Variants in TRIM25 observed in about 807,000 individuals in gnomAD.
The protein encoded by TRIM25 is E3 ubiquitin/ISG15 ligase TRIM25.
In TRIM25, 45 loss-of-function variants were observed where a neutral mutation model predicts 65.2. The observed-to-expected ratio is 0.69, with a 90% confidence interval of 0.54 to 0.89. The LOEUF is 0.89. TRIM25 is among the 40% of genes least tolerant of loss of function. The pLI is 0.00. For missense variants in TRIM25, 714 were observed against 803.7 expected (o/e 0.89, Z 1.35); for synonymous variants, 321 against 340.4 (o/e 0.94, Z 0.63).
chr17:56,904,578 G>A (rs1909483915), intron 2 of TRIM25, 90 bp from the exon 3 acceptor site: 1 of 1,203,182 alleles, frequency 8.3e-7, no homozygotes, highest in South Asian at 1.3e-5. Context: ...GGAGTTCCAG[G>A]AACTCTTACC....
chr17:56,892,599 G>A (rs1909204702), intron 8 of TRIM25, among the ~76,000 whole-genome samples: 1 of 151,686 alleles, frequency 6.6e-6, no homozygotes, highest in Non-Finnish European at 1.5e-5. Flanking sequence ...CTATCCATCT[G>A]TCCATTTATC....
chr17:56,913,488 G>A lies in TRIM25; in HGVS notation c.501C>T (p.Phe167=), dbSNP rs768772040. 1.2e-6 allele frequency: 2 copies of A among 1,613,582 alleles called. No individual in the cohort carries two copies. Among genetic ancestry groups the A allele is most frequent in the South Asian group, 2.2e-5 (2 of 91,032 alleles). ...CSQHNRLREF[F]CPEHSECICH... is the part of the protein sequence containing the mutation. ...AGATGCACTCGCTGTGCTCGGGGCAGAAAAATTCCCGCAGCCGATTGTGCT... is the reference window on the plus strand; with the variant it reads ...AGATGCACTCGCTGTGCTCGGGGCAAAAAAATTCCCGCAGCCGATTGTGCT... The change falls in exon 1 of 9, where the codon TTC becomes TTT. Residue 167 remains phenylalanine, a synonymous_variant. Coordinates refer to ENST00000316881, the MANE Select transcript of TRIM25 (RefSeq NM_005082.5). The surrounding 1 kb of genome is among the most constrained non-coding windows in gnomAD (Gnocchi z 6.1).
chr17:56,902,733 C>T (rs1180329277), intron 3 of TRIM25, among the ~76,000 whole-genome samples: 1 of 152,202 alleles, frequency 6.6e-6, no homozygotes, highest in Non-Finnish European at 1.5e-5. Context: ...ATGCTTTAGA[C>T]AGATACTTTG....
chr17:56,898,193 A>AACATGTCAGCGGTATATGG (rs1397756338), intron 5 of TRIM25, among the ~76,000 whole-genome samples: 6 of 150,004 alleles, frequency 4.0e-5, no homozygotes, highest in Non-Finnish European at 2.9e-5. Flanking sequence ...GCGATATATG[A>AACATGTCAGCGGTATATGG]ACATGTCAGC....
intron 5 of TRIM25, among the ~76,000 whole-genome samples, chr17:56,898,807 C>A (rs562777179): frequency 6.6e-6 from 1 of 152,174 alleles, no homozygotes; most frequent in Admixed American, 6.5e-5. Flanking sequence ...TAGCCTCCAC[C>A]CTTCCTGGAC....
chr17:56,891,597 T>G lies in TRIM25; in HGVS notation c.*103A>C. On this transcript the variant is annotated 3_prime_UTR_variant, in exon 9 of 9. Transcript: ENST00000316881. ...AGCTCCCCTCCCATGCTCCCAATCC[T>G]TGGGACCTCTTGGGGAATTATCCAA... is the stretch of plus-strand genomic sequence containing the variant. The G allele has an allele frequency of 1.2e-6, 1 of 865,254 alleles. No individual in the cohort carries two copies. Among genetic ancestry groups the G allele is most frequent in the Non-Finnish European group, 1.6e-6 (1 of 629,262 alleles). 53.6% of individuals were successfully genotyped at this position (865,254 alleles called of 1,614,324 possible).
At chr17:56,898,818 C>T (rs72839005) in intron 5 of TRIM25, 13 of 323,310 alleles carry the variant, frequency 4.0e-5, no homozygotes, top group Non-Finnish European at 7.5e-5. Flanking sequence ...CTTCCTGGAC[C>T]GCCATCAGTC....
chr17:56,899,239 G>C, intron 4 of TRIM25, 59 bp from the exon 5 acceptor site: 1 of 1,589,966 alleles, frequency 6.3e-7, no homozygotes, highest in Non-Finnish European at 8.6e-7. Context: ...CTAGCAGCCA[G>C]CTTTGCCATG....
In TRIM25 at chr17:56,908,012, C is replaced by A. The variant is rs554039735; in HGVS notation, c.693+456G>T. ...TAGAGACTTCGGGAGTGTGGCCACG[C>A]CAACATCTTGATTTTGGACTTCTGG... On this transcript the variant is annotated intron_variant, in intron 2 of 8. Coordinates refer to ENST00000316881, the MANE Select transcript of TRIM25 (RefSeq NM_005082.5). Among the ~76,000 whole-genome samples, 6 of 152,292 alleles carry A rather than the reference C, an allele frequency of 3.9e-5. No homozygotes were observed. The South Asian group carries it at 1.2e-3, about 32-fold the overall frequency.
chr17:56,905,854 G>A (rs531538073), intron 2 of TRIM25, among the ~76,000 whole-genome samples: 2 of 152,074 alleles, frequency 1.3e-5, no homozygotes, highest in Admixed American at 1.3e-4. Context: ...GTGGTGAAGG[G>A]GAGTAGGCTC....
intron 1 of TRIM25, 183 bp from the exon 2 acceptor site, chr17:56,908,746 C>T (rs1909570452): frequency 1.6e-6 from 1 of 611,230 alleles, no homozygotes. Flanking sequence ...CTAATACTTA[C>T]TACTTCCCTT....
Position 56,904,346 on chromosome 17 carries a change from T to G in TRIM25, c.836A>C (p.Gln279Pro). Residue 279 changes from glutamine (Q) to proline (P), a missense_variant, in exon 3 of 9, where the codon CAG becomes CCG. Gln to Pro is a moderately conservative substitution (Grantham distance 76). Coordinates refer to ENST00000316881, the MANE Select transcript of TRIM25 (RefSeq NM_005082.5). The part of the protein sequence containing the change: ...RVNSKFDTIY[Q>P]ILLKKKSEIQ... ...CTCACTCTTCTTCTTGAGGAGAATC[T>G]GATAAATGGTGTCAAACTTGCTGTT... is the stretch of plus-strand genomic sequence containing the variant. The G allele has an allele frequency of 6.2e-7, 1 of 1,614,180 alleles. No homozygotes were observed. Among genetic ancestry groups the G allele is most frequent in the Non-Finnish European group, 8.5e-7 (1 of 1,180,030 alleles).
intron 1 of TRIM25, among the ~76,000 whole-genome samples, chr17:56,909,621 C>T (rs1470184940): frequency 2.7e-5 from 4 of 150,820 alleles, no homozygotes; most frequent in African/African-American, 9.8e-5. Context: ...GGAGGTTGAG[C>T]CTGCAGTGAG....
chr17:56,905,014 AATT>A lies in TRIM25; in HGVS notation c.694-529_694-527del, dbSNP rs1441772102. ...AGAAACGCATGGGAATGAATAAATA[AATT>A]CAGGAGAGTGGTTACTTCTGGAAGA... is the stretch of plus-strand genomic sequence containing the variant. On this transcript the variant is annotated intron_variant, in intron 2 of 8. Transcript: ENST00000316881. Among the ~76,000 whole-genome samples, 6 of 152,346 alleles carry A rather than the reference AATT, an allele frequency of 3.9e-5. No homozygotes were observed. The South Asian group carries it at 1.0e-3, about 26-fold the overall frequency.
intron 8 of TRIM25, among the ~76,000 whole-genome samples, chr17:56,893,550 T>G (rs1909226904): frequency 6.6e-6 from 1 of 152,184 alleles, no homozygotes. Context: ...CAGCTGCTTA[T>G]GATAAAGGAA....
Position 56,913,968 on chromosome 17 carries a change from C to T in TRIM25, c.21G>A (p.Leu7=). The change falls in exon 1 of 9, where the codon CTG becomes CTA. Residue 7 remains leucine, a synonymous_variant. Coordinates refer to ENST00000316881, the MANE Select transcript of TRIM25 (RefSeq NM_005082.5). This position sits in a 1 kb window ranked among gnomAD's most constrained non-coding sequence, Gnocchi z 6.1. ...AGATGGAGCACGACAGCTCCTCGGC[C>T]AGGGGGCACAGCTCTGCCATGGCGC... The part of the protein sequence containing the change: MAELCP[L]AEELSCSICL... The T allele has an allele frequency of 1.3e-6, 2 of 1,577,028 alleles. No homozygotes were observed. The highest frequency in any genetic ancestry group is 4.6e-5 in the East Asian group (2 of 43,874).
At position 56,888,013 on chromosome 17, in the gene TRIM25, C is replaced by A. The variant is rs748255666; in HGVS notation, c.*3687G>T. 1 of 152,284 alleles carries A rather than the reference C, an allele frequency of 6.6e-6. No individual in the cohort carries two copies. Among genetic ancestry groups the A allele is most frequent in the Non-Finnish European group, 1.5e-5 (1 of 68,082 alleles). 9.4% of individuals were successfully genotyped at this position (152,284 alleles called of 1,614,324 possible). On this transcript the variant is annotated 3_prime_UTR_variant, in exon 9 of 9. Transcript: ENST00000316881. ...GGTCTTGAGCACAGTGCTCCCATGC[C>A]CCCTCTTCGTGGAATTAGGGCACAC...
At chr17:56,898,738 T>A (rs1598073615) in intron 5 of TRIM25, among the ~76,000 whole-genome samples, 1 of 148,650 alleles carries the variant, frequency 6.7e-6, no homozygotes, top group Non-Finnish European at 1.5e-5. Context: ...AGAAACATGG[T>A]AATAGCAGAA....
At chr17:56,908,011 G>C (rs1341637459) in intron 2 of TRIM25, among the ~76,000 whole-genome samples, 1 of 152,178 alleles carries the variant, frequency 6.6e-6, no homozygotes, top group Admixed American at 6.5e-5. Flanking sequence ...GTGTGGCCAC[G>C]CCAACATCTT....
Sources: gnomAD v4.1 joint callset for allele counts (sites outside exome capture counted in the v4.1 genomes callset) on GRCh38, gnomAD v4.1.1 for gene constraint, Gnocchi (gnomAD v3.1) non-coding constraint, MANE v1.5 for transcripts, NCBI Gene and HGNC (gene_info 2026-07-23, HGNC 2026-07-21) for gene names.